RAB38: variants seen among roughly 807,000 people sequenced by gnomAD.
RAB38 encodes the protein RAB38, member RAS oncogene family.
In RAB38, 15 loss-of-function variants were observed where a neutral mutation model predicts 18.4. That is an observed-to-expected ratio of 0.82 (90% CI 0.55 to 1.26). RAB38 has a LOEUF of 1.26. Among genes scored for constraint, RAB38 ranks in the 50% most tolerant of loss-of-function variants. RAB38 has a pLI of 0.00. For synonymous variants in RAB38, 101 were observed against 104.4 expected (o/e 0.97, Z 0.20); for missense variants, 294 against 267.4 (o/e 1.10, Z -0.69).
chr11:87,968,079 T>C, the RAB38 span, among the ~76,000 whole-genome samples: 1 of 152,216 alleles, frequency 6.6e-6, no homozygotes, highest in African/African-American at 2.4e-5. Flanking sequence ...TTTGTATTAT[T>C]TGGCTTATTT....
intron 2 of RAB38, among the ~76,000 whole-genome samples, chr11:88,122,013 T>A (rs910816813): frequency 6.6e-6 from 1 of 152,350 alleles, no homozygotes; most frequent in East Asian, 1.9e-4. Context: ...CCAGAGTTAT[T>A]AATTGATCAA....
the RAB38 span, among the ~76,000 whole-genome samples, chr11:87,855,096 A>G: frequency 6.6e-6 from 1 of 152,080 alleles, no homozygotes; most frequent in Non-Finnish European, 1.5e-5. Context: ...CGCCTGGCCT[A>G]TTTATGATTC....
chr11:88,142,082 T>C (rs979470169), intron 2 of RAB38, among the ~76,000 whole-genome samples: 2 of 151,940 alleles, frequency 1.3e-5, no homozygotes, highest in Non-Finnish European at 2.9e-5. Context: ...TGCATCCTTC[T>C]GACCTCAGAA....
chr11:87,947,991 G>A, the RAB38 span, among the ~76,000 whole-genome samples: 1 of 152,156 alleles, frequency 6.6e-6, no homozygotes, highest in Non-Finnish European at 1.5e-5. Flanking sequence ...TGGGCAGTAT[G>A]GCCATTTTCA....
At chr11:87,898,685 T>C in the RAB38 span, among the ~76,000 whole-genome samples, 1 of 151,262 alleles carries the variant, frequency 6.6e-6, no homozygotes, top group Non-Finnish European at 1.5e-5. Flanking sequence ...TCAATGCTTA[T>C]TAAAAAATTT....
intron 1 of RAB38, chr11:88,173,972 C>T (rs1353565897): frequency 1.0e-6 from 1 of 985,320 alleles, no homozygotes; most frequent in African/African-American, 1.7e-5. Flanking sequence ...TCAAATGCAT[C>T]AGCTAAAATG....
chr11:87,974,835 A>C, the RAB38 span, among the ~76,000 whole-genome samples: 128 of 152,056 alleles, frequency 8.4e-4, 1 homozygote, highest in African/African-American at 2.8e-3. Flanking sequence ...AAGCACTCAG[A>C]GATAAAACAA....
the RAB38 span, among the ~76,000 whole-genome samples, chr11:87,960,656 G>A: frequency 9.9e-5 from 15 of 152,122 alleles, no homozygotes. Context: ...TCTGTACAAG[G>A]TGAGCGACTA....
chr11:87,942,609 T>C, the RAB38 span, among the ~76,000 whole-genome samples: 1 of 152,144 alleles, frequency 6.6e-6, no homozygotes, highest in Non-Finnish European at 1.5e-5. Context: ...TAAACTTCCC[T>C]GCTGGTATGT....
chr11:88,029,409 G>T, the RAB38 span, among the ~76,000 whole-genome samples: 7 of 151,916 alleles, frequency 4.6e-5, no homozygotes, highest in Non-Finnish European at 8.8e-5. Flanking sequence ...TGGGCTAAAT[G>T]CTCCAATTAA....
chr11:88,019,980 G>C, the RAB38 span, among the ~76,000 whole-genome samples: 1 of 152,070 alleles, frequency 6.6e-6, no homozygotes. Context: ...CATACACATA[G>C]ACCAGTGCCT....
chr11:87,838,995 G>T, the RAB38 span, among the ~76,000 whole-genome samples: 1 of 152,128 alleles, frequency 6.6e-6, no homozygotes, highest in Non-Finnish European at 1.5e-5. Context: ...GCTGTATCCC[G>T]CAAAGCCCAT....
At chr11:87,877,080 C>T in the RAB38 span, among the ~76,000 whole-genome samples, 1 of 151,436 alleles carries the variant, frequency 6.6e-6, no homozygotes, top group Non-Finnish European at 1.5e-5. Context: ...AGAGTATAAA[C>T]AGGACAGATA....
chr11:88,033,332 C>G, the RAB38 span, among the ~76,000 whole-genome samples: 1 of 151,304 alleles, frequency 6.6e-6, no homozygotes, highest in African/African-American at 2.4e-5. Context: ...ACATATGTAA[C>G]TAACCTGCAT....
chr11:88,113,934 C>T lies in RAB38; in HGVS notation c.*54G>A. The T allele has an allele frequency of 6.2e-7, 1 of 1,603,176 alleles. No individual in the cohort carries two copies. The highest frequency in any genetic ancestry group is 1.3e-5 in the African/African-American group (1 of 74,804). On this transcript the variant is annotated 3_prime_UTR_variant, in exon 3 of 3. Coordinates refer to ENST00000243662, the MANE Select transcript of RAB38 (RefSeq NM_022337.3). ...TTACCCAAAATGGTAAAAATAGAGG[C>T]ACAATTTGTGGAACAATGAGGTCAT...
At chr11:88,076,867 G>A in the RAB38 span, among the ~76,000 whole-genome samples, 1 of 147,502 alleles carries the variant, frequency 6.8e-6, no homozygotes, top group Non-Finnish European at 1.5e-5. Context: ...GCTGAGGCAG[G>A]AAAATCACTT....
the RAB38 span, among the ~76,000 whole-genome samples, chr11:88,033,139 A>G: frequency 2.6e-5 from 4 of 151,758 alleles, no homozygotes; most frequent in Non-Finnish European, 5.9e-5. Context: ...AAAAAACCAA[A>G]CACCGCATAT....
chr11:87,948,641 C>G, the RAB38 span, among the ~76,000 whole-genome samples: 1 of 151,376 alleles, frequency 6.6e-6, no homozygotes, highest in Non-Finnish European at 1.5e-5. Flanking sequence ...TTTTCTGCAT[C>G]TATTGAGATA....
intron 2 of RAB38, among the ~76,000 whole-genome samples, chr11:88,140,526 T>G (rs1328252302): frequency 6.6e-5 from 10 of 152,172 alleles, no homozygotes; most frequent in Non-Finnish European, 1.3e-4. Context: ...GGATTCACAA[T>G]GCAGTGCAGG....
Sources: allele counts gnomAD v4.1 joint callset (sites outside exome capture counted in the v4.1 genomes callset), GRCh38; gene constraint gnomAD v4.1.1; transcripts MANE v1.5; gene names NCBI Gene and HGNC (gene_info 2026-07-23, HGNC 2026-07-21).